The following KIF13A variants were observed in gnomAD, a reference collection of about 807,000 sequenced individuals.
KIF13A encodes the protein kinesin family member 13A.
In KIF13A, 79 loss-of-function variants were observed where a neutral mutation model predicts 212.2. That is an observed-to-expected ratio of 0.37 (90% CI 0.31 to 0.45). The LOEUF is 0.45. Among genes scored for constraint, KIF13A ranks in the 20% least tolerant of loss-of-function variants. KIF13A has a pLI of 1.00. For synonymous variants in KIF13A, 789 were observed against 808.6 expected (o/e 0.98, Z 0.41); for missense variants, 1,901 against 2,209.0 (o/e 0.86, Z 2.79).
At chr6:17,807,190 C>T (rs1029780256) in intron 18 of KIF13A, among the ~76,000 whole-genome samples, 1 of 152,072 alleles carries the variant, frequency 6.6e-6, no homozygotes, top group African/African-American at 2.4e-5. Context: ...TTTTAGGGAA[C>T]AAGGGAAGAC....
In KIF13A at chr6:17,764,149, T is replaced by C. The variant is rs1758736901; in HGVS notation, c.5379A>G (p.Ile1793Met). The change falls in exon 39 of 39, where the codon ATA becomes ATG. Residue 1793 changes from isoleucine (I) to methionine (M), a missense_variant. Physicochemically the swap from Ile to Met is conservative, Grantham distance 10. This residue lies in a region of KIF13A where 687 missense variants were observed against 759.1 expected (regional missense o/e 0.90). Transcript: ENST00000259711. The surrounding 1 kb of genome is among the most constrained non-coding windows in gnomAD (Gnocchi z 5.1). ...GAACCCAAAAGGCTGCCTCTGGAAT[T>C]ATTACCTGGTCATTCTCTAACTTGG... Reference protein sequence around the residue: ...LHSKLENDQVIIPEAAFWVLC... With the variant: ...LHSKLENDQVMIPEAAFWVLC... The C allele has an allele frequency of 6.2e-7, 1 of 1,613,906 alleles. No individual in the cohort carries two copies. The highest frequency in any genetic ancestry group is 1.1e-5 in the South Asian group (1 of 91,078).
Position 17,859,640 on chromosome 6 carries a change from T to TA in KIF13A, c.221-3519_221-3518insT, listed in dbSNP as rs1562065668. On this transcript the variant is annotated intron_variant, in intron 4 of 38. Coordinates refer to ENST00000259711, the MANE Select transcript of KIF13A (RefSeq NM_022113.6). ...GTATTTTATATATATATATATATAT[T>TA]TTTTTTTTTTTTTTGAGACGAGTCT... is the stretch of plus-strand genomic sequence containing the variant. Among the ~76,000 whole-genome samples, 353 of 70,534 alleles carry TA rather than the reference T, an allele frequency of 5.0e-3. 1 individual carries two copies. The highest frequency in any genetic ancestry group is 7.0e-3 in the East Asian group (21 of 3,004). The allele number at this position is 70,534 out of a possible 152,430, so 46.3% of individuals were successfully genotyped here. A position where few individuals can be genotyped will look rare whatever the true frequency, so the allele number is the denominator to read the frequency against.
chr6:17,910,807 G>C (rs1773987029), intron 2 of KIF13A, among the ~76,000 whole-genome samples: 2 of 152,310 alleles, frequency 1.3e-5, no homozygotes, highest in African/African-American at 4.8e-5. Context: ...CTGTTGCCCA[G>C]GCTGGAGTGC....
rs934281244 is a variant in KIF13A at position 17,787,030 on chromosome 6, T to C, written c.3361+746A>G. Among the ~76,000 whole-genome samples the C allele has an allele frequency of 6.6e-6, 1 of 152,170 alleles. No individual in the cohort carries two copies. Among genetic ancestry groups the C allele is most frequent in the Non-Finnish European group, 1.5e-5 (1 of 68,024 alleles). On this transcript the variant is annotated intron_variant, in intron 27 of 38. Transcript: ENST00000259711. This position sits in a 1 kb window ranked among gnomAD's most constrained non-coding sequence, Gnocchi z 4.6. Reference sequence around the variant, plus strand: ...ACCCTTGGAGCTGAGTGGCAGTGAATAGAGTTGTAGGGGCCACCCTGAACC... The same window carrying C: ...ACCCTTGGAGCTGAGTGGCAGTGAACAGAGTTGTAGGGGCCACCCTGAACC...
chr6:17,871,474 C>T lies in KIF13A; in HGVS notation c.220+1903G>A, dbSNP rs953228672. 3.3e-5 allele frequency among the ~76,000 whole-genome samples: 5 copies of T among 152,018 alleles called. No homozygotes were observed. Among genetic ancestry groups the T allele is most frequent in the African/African-American group, 9.7e-5 (4 of 41,366 alleles). On this transcript the variant is annotated intron_variant, in intron 4 of 38. Coordinates refer to ENST00000259711, the MANE Select transcript of KIF13A (RefSeq NM_022113.6). The surrounding 1 kb of genome is among the most constrained non-coding windows in gnomAD (Gnocchi z 4.4). ...TGTTATTTGGTATGCATTTCTTTTGCTTTCTAACTTATTTTTGGATTTCTC... is the reference window on the plus strand; with the variant it reads ...TGTTATTTGGTATGCATTTCTTTTGTTTTCTAACTTATTTTTGGATTTCTC...
Position 17,826,357 on chromosome 6 carries a change from T to TG in KIF13A, c.1533-234dup, listed in dbSNP as rs1562023391. Among the ~76,000 whole-genome samples, 1 of 152,204 alleles carries TG rather than the reference T, an allele frequency of 6.6e-6. No individual in the cohort carries two copies. Among genetic ancestry groups the TG allele is most frequent in the East Asian group, 1.9e-4 (1 of 5,200 alleles). ...ACAACCTAACATGATGCACTCCTGA[T>TG]GGAGACAGAAAGCACCACCCATGGC... On this transcript the variant is annotated intron_variant, in intron 14 of 38. Coordinates refer to ENST00000259711, the MANE Select transcript of KIF13A (RefSeq NM_022113.6). This position sits in a 1 kb window ranked among gnomAD's most constrained non-coding sequence, Gnocchi z 4.7.
chr6:17,779,302 G>A (rs1458644123), intron 32 of KIF13A, among the ~76,000 whole-genome samples: 3 of 117,624 alleles, frequency 2.6e-5, no homozygotes, highest in South Asian at 2.7e-4. Flanking sequence ...ACAGAGTTTC[G>A]CTCTTGTTGC....
At chr6:17,858,162 G>A (rs903603522) in intron 4 of KIF13A, among the ~76,000 whole-genome samples, 1 of 150,218 alleles carries the variant, frequency 6.7e-6, no homozygotes, top group African/African-American at 2.4e-5. Context: ...ATCTACAAAT[G>A]CTAAAGTGTA....
rs759312439 is a variant in KIF13A, at chr6:17,895,723, T to C, written c.159+2445A>G. 1.3e-5 allele frequency among the ~76,000 whole-genome samples: 2 copies of C among 152,230 alleles called. No individual in the cohort carries two copies. Among genetic ancestry groups the C allele is most frequent in the African/African-American group, 2.4e-5 (1 of 41,456 alleles). ...CGCTCCTTCCTGAATGGCATATATC[T>C]AAATGCTAGGTTCATCTCTCTAAAT... On this transcript the variant is annotated intron_variant, in intron 3 of 38. Transcript: ENST00000259711. The surrounding 1 kb of genome is among the most constrained non-coding windows in gnomAD (Gnocchi z 4.4).
Position 17,828,598 on chromosome 6 carries a change from A to T in KIF13A, c.1402-228T>A, listed in dbSNP as rs1264807929. 6.6e-6 allele frequency among the ~76,000 whole-genome samples: 1 copy of T among 152,226 alleles called. No individual in the cohort carries two copies. The highest frequency in any genetic ancestry group is 1.9e-4 in the East Asian group (1 of 5,196). On this transcript the variant is annotated intron_variant, in intron 13 of 38. Transcript: ENST00000259711. The surrounding 1 kb of genome is among the most constrained non-coding windows in gnomAD (Gnocchi z 4.3). ...CAAAAAAAATCCCCAATCAACAATG[A>T]TTAGTTATTGTTTTTAACACAGGAA... is the stretch of plus-strand genomic sequence containing the variant.
intron 17 of KIF13A, among the ~76,000 whole-genome samples, chr6:17,813,268 T>C (rs1244704610): frequency 6.6e-6 from 1 of 152,098 alleles, no homozygotes; most frequent in African/African-American, 2.4e-5. Flanking sequence ...TCACCTGAGG[T>C]CAGGGGTTCG....
At chr6:17,935,730 CA>C (rs1776399674) in intron 2 of KIF13A, among the ~76,000 whole-genome samples, 1 of 152,200 alleles carries the variant, frequency 6.6e-6, no homozygotes, top group South Asian at 2.1e-4. Flanking sequence ...TTATCCACTT[CA>C]ATTTTTACAA....
intron 2 of KIF13A, among the ~76,000 whole-genome samples, chr6:17,975,394 G>A (rs928266991): frequency 3.9e-5 from 6 of 152,082 alleles, no homozygotes; most frequent in African/African-American, 7.2e-5. Flanking sequence ...ATCTTAAGTT[G>A]GCGCGTCTGG....
chr6:17,816,893 A>T lies in KIF13A; in HGVS notation c.2000+127T>A. 1.5e-6 allele frequency: 1 copy of T among 680,474 alleles called. No homozygotes were observed. The highest frequency in any genetic ancestry group is 2.4e-6 in the Non-Finnish European group (1 of 408,742). 42.2% of individuals were successfully genotyped at this position (680,474 alleles called of 1,614,324 possible). On this transcript the variant is annotated intron_variant, in intron 17 of 38. Coordinates refer to ENST00000259711, the MANE Select transcript of KIF13A (RefSeq NM_022113.6). The surrounding 1 kb of genome is among the most constrained non-coding windows in gnomAD (Gnocchi z 4.3). ...TTGTGAAAGGAAAAGCTAATTGGCA[A>T]TATCACGTATGGGATTAAGAGTTCT...
In KIF13A at chr6:17,987,535, GCCGC is replaced by G; in HGVS notation, c.-76_-73del. 1 of 808,924 alleles carries G rather than the reference GCCGC, an allele frequency of 1.2e-6. No homozygotes were observed. The highest frequency in any genetic ancestry group is 1.5e-6 in the Non-Finnish European group (1 of 658,998). The allele number at this position is 808,924 out of a possible 1,614,324, so 50.1% of individuals were successfully genotyped here. On this transcript the variant is annotated 5_prime_UTR_variant, in exon 1 of 39. The change abolishes the stop of an existing upstream ORF in the 5' untranslated region. Transcript: ENST00000259711. This position sits in a 1 kb window ranked among gnomAD's most constrained non-coding sequence, Gnocchi z 7.7. ...GCGGCCCCTCACGCGCGGCGCCGCC[GCCGC>G]TGCAGCCGCGCGCCCCTCGAGCGCG... is the stretch of plus-strand genomic sequence containing the variant.
intron 2 of KIF13A, among the ~76,000 whole-genome samples, chr6:17,929,997 C>G (rs537437074): frequency 1.3e-5 from 2 of 152,328 alleles, no homozygotes; most frequent in South Asian, 4.1e-4. Flanking sequence ...TTACACAAGA[C>G]TCACTGAACC....
chr6:17,862,385 C>A (rs1026138637), intron 4 of KIF13A, among the ~76,000 whole-genome samples: 1 of 152,134 alleles, frequency 6.6e-6, no homozygotes, highest in Non-Finnish European at 1.5e-5. Context: ...CTATTATTAT[C>A]ATCTCTTAAG....
chr6:17,987,223 G>A lies in KIF13A; in HGVS notation c.56-79C>T. ...CGCCCGCCCGCCAGCCGCGCCGAGC[G>A]GGGCTCCGTCCCTGGAGGCGGCCGA... On this transcript the variant is annotated intron_variant, in intron 1 of 38. Coordinates refer to ENST00000259711, the MANE Select transcript of KIF13A (RefSeq NM_022113.6). This position sits in a 1 kb window ranked among gnomAD's most constrained non-coding sequence, Gnocchi z 7.7. 7.8e-7 allele frequency: 1 copy of A among 1,288,856 alleles called. No homozygotes were observed. 79.8% of individuals were successfully genotyped at this position (1,288,856 alleles called of 1,614,324 possible).
At position 17,849,192 on chromosome 6, in the gene KIF13A, C is replaced by T. The variant is rs879847651; in HGVS notation, c.830+185G>A. Among the ~76,000 whole-genome samples the T allele has an allele frequency of 7.9e-5, 12 of 152,112 alleles. No homozygotes were observed. Among genetic ancestry groups the T allele is most frequent in the Non-Finnish European group, 7.4e-5 (5 of 68,012 alleles). On this transcript the variant is annotated intron_variant, in intron 9 of 38. Coordinates refer to ENST00000259711, the MANE Select transcript of KIF13A (RefSeq NM_022113.6). This position sits in a 1 kb window ranked among gnomAD's most constrained non-coding sequence, Gnocchi z 5.7. ...TACTGGGATTACAGGCATGAGCCACCGTGCCTGGCCAAAAACCTCATACAT... is the reference window on the plus strand; with the variant it reads ...TACTGGGATTACAGGCATGAGCCACTGTGCCTGGCCAAAAACCTCATACAT...
Sources: gnomAD v4.1 joint callset for allele counts (sites outside exome capture counted in the v4.1 genomes callset) on GRCh38, gnomAD v4.1.1 for gene constraint, gnomAD v4.1.1 regional missense constraint, Gnocchi (gnomAD v3.1) non-coding constraint, MANE v1.5 for transcripts, NCBI Gene and HGNC (gene_info 2026-07-23, HGNC 2026-07-21) for gene names.